Variants in SLC9B1 observed in about 807,000 individuals in gnomAD.
SLC9B1 encodes the protein solute carrier family 9 member B1, also known as sodium/hydrogen exchanger 9B1.
SLC9B1 carries 32 observed loss-of-function variants against 51.7 expected under a neutral mutation model. That is an observed-to-expected ratio of 0.62 (90% CI 0.47 to 0.83). The LOEUF is 0.83. Ranked by LOEUF, SLC9B1 falls within the 40% of genes least tolerant of loss-of-function variation. The pLI, the probability that SLC9B1 is intolerant of heterozygous loss-of-function variation, is 0.00. For missense variants in SLC9B1, 406 were observed against 613.2 expected, an observed-to-expected ratio of 0.66 and a Z score of 3.57; for synonymous variants, 145 against 212.7, an observed-to-expected ratio of 0.68 and a Z score of 2.77.
At chr4:102,946,600 C>G in intron 5 of SLC9B1, 47 bp downstream of exon 5, 11 of 1,573,940 alleles carry the variant, frequency 7.0e-6, no homozygotes, top group Non-Finnish European at 9.5e-6. Context: ...TCTCACCGTC[C>G]TCTAATATTT....
At chr4:102,962,251 T>C in intron 3 of SLC9B1, 1 of 539,992 alleles carries the variant, frequency 1.9e-6, no homozygotes, top group South Asian at 1.4e-5. Flanking sequence ...GGGGAGTTGA[T>C]GACCTTGACT....
At chr4:103,002,131 C>G (rs1285399013) in intron 1 of SLC9B1, among the ~76,000 whole-genome samples, 1 of 152,166 alleles carries the variant, frequency 6.6e-6, no homozygotes, top group Non-Finnish European at 1.5e-5. Flanking sequence ...TGTGGGCTTA[C>G]AGGTCTCTCC....
chr4:102,940,535 C>T (rs1736939238), intron 6 of SLC9B1, among the ~76,000 whole-genome samples: 1 of 151,778 alleles, frequency 6.6e-6, no homozygotes, highest in Non-Finnish European at 1.5e-5. Context: ...AAAAAACAAA[C>T]AAACAAAAAA....
intron 3 of SLC9B1, among the ~76,000 whole-genome samples, chr4:102,969,544 C>T (rs1037017905): frequency 2.6e-5 from 4 of 152,180 alleles, no homozygotes; most frequent in African/African-American, 7.2e-5. Context: ...CAAGAGCAGA[C>T]AAGCTGAAAA....
At chr4:102,997,595 A>C (rs1740294220) in intron 1 of SLC9B1, among the ~76,000 whole-genome samples, 1 of 152,176 alleles carries the variant, frequency 6.6e-6, no homozygotes, top group African/African-American at 2.4e-5. Context: ...ATACATACAC[A>C]GTCAGCAAAT....
At chr4:102,962,131 T>C (rs1029770120) in intron 3 of SLC9B1, 7 of 439,548 alleles carry the variant, frequency 1.6e-5, no homozygotes, top group East Asian at 1.2e-4. Flanking sequence ...TCAGTAGATA[T>C]TCTGAGCTTG....
chr4:102,956,314 T>TA (rs35614802), intron 3 of SLC9B1, among the ~76,000 whole-genome samples: 3,500 of 133,192 alleles, frequency 0.026, 57 homozygotes, highest in Non-Finnish European at 0.042. Flanking sequence ...TGAGTATTAC[T>TA]AAAAAAAAAA....
intron 7 of SLC9B1, among the ~76,000 whole-genome samples, chr4:102,921,476 A>G (rs990322185): frequency 3.9e-5 from 6 of 152,236 alleles, no homozygotes; most frequent in African/African-American, 7.2e-5. Context: ...TGTAAAGACC[A>G]TCAATGCTAG....
At chr4:102,911,926 A>C (rs1735357447) in intron 7 of SLC9B1, 1 of 181,484 alleles carries the variant, frequency 5.5e-6, no homozygotes, top group Non-Finnish European at 1.2e-5. Context: ...TGAGGTCAGG[A>C]GTTCAAGACC....
At chr4:102,936,172 T>C (rs1736714271) in intron 6 of SLC9B1, among the ~76,000 whole-genome samples, 1 of 152,042 alleles carries the variant, frequency 6.6e-6, no homozygotes, top group African/African-American at 2.4e-5. Flanking sequence ...CCTGAAATCT[T>C]CCAGAAATGA....
chr4:102,950,261 G>A (rs1442124656), intron 3 of SLC9B1, among the ~76,000 whole-genome samples: 1 of 152,104 alleles, frequency 6.6e-6, no homozygotes, highest in African/African-American at 2.4e-5. Context: ...AGGAGGTAAT[G>A]GCTGGAAGAA....
At chr4:102,924,865 A>T (rs1017375370) in intron 7 of SLC9B1, among the ~76,000 whole-genome samples, 8 of 152,220 alleles carry the variant, frequency 5.3e-5, no homozygotes, top group African/African-American at 1.4e-4. Context: ...ATACCATCTC[A>T]CACCAATTAG....
chr4:103,012,280 C>T (rs1344680038), intron 1 of SLC9B1, among the ~76,000 whole-genome samples: 1 of 152,202 alleles, frequency 6.6e-6, no homozygotes, highest in East Asian at 1.9e-4. Flanking sequence ...CAGCCAAGTT[C>T]TTTGCTACTT....
rs1553912930 is a variant in SLC9B1, at chr4:103,008,800, T to TC, written c.-2+10798_-2+10799insG. Among the ~76,000 whole-genome samples, 215 of 144,700 alleles carry TC rather than the reference T, an allele frequency of 1.5e-3. 1 individual carries two copies. The highest frequency in any genetic ancestry group is 4.9e-3 in the East Asian group (25 of 5,058). The allele number at this position is 144,700 out of a possible 152,430, so 94.9% of individuals were successfully genotyped here. A position where few individuals can be genotyped will look rare whatever the true frequency, so the allele number is the denominator to read the frequency against. ...GATCTAAGGGCTTTAACAGTTTCTT[T>TC]TTTTTTTTTTTTTTTTTGAGACGGA... On this transcript the variant is annotated intron_variant, in intron 1 of 11. Transcript: ENST00000296422.
chr4:103,017,927 C>G (rs1741476722), intron 1 of SLC9B1, among the ~76,000 whole-genome samples: 1 of 152,226 alleles, frequency 6.6e-6, no homozygotes, highest in Non-Finnish European at 1.5e-5. Context: ...CACTTGACTT[C>G]TCTACTTAAC....
chr4:102,971,288 CT>C (rs1425836584), intron 3 of SLC9B1, among the ~76,000 whole-genome samples: 1 of 152,188 alleles, frequency 6.6e-6, no homozygotes, highest in Non-Finnish European at 1.5e-5. Flanking sequence ...AACAAACTGT[CT>C]CCCAGACCAC....
intron 1 of SLC9B1, among the ~76,000 whole-genome samples, chr4:103,011,539 T>C (rs1173001003): frequency 6.6e-6 from 1 of 152,122 alleles, no homozygotes; most frequent in African/African-American, 2.4e-5. Context: ...ACTCCACAGC[T>C]CTTGTAGGCA....
intron 7 of SLC9B1, among the ~76,000 whole-genome samples, chr4:102,929,746 T>C (rs1344382176): frequency 6.6e-6 from 1 of 152,242 alleles, no homozygotes; most frequent in Non-Finnish European, 1.5e-5. Context: ...GGTCTTGAAC[T>C]CATGTCCTCA....
chr4:102,983,256 T>C (rs1181224575), intron 3 of SLC9B1, among the ~76,000 whole-genome samples: 2 of 152,184 alleles, frequency 1.3e-5, no homozygotes, highest in Non-Finnish European at 2.9e-5. Context: ...GTCATGGTCA[T>C]GGTGTATCCT....
Sources: allele counts gnomAD v4.1 joint callset (sites outside exome capture counted in the v4.1 genomes callset), GRCh38; gene constraint gnomAD v4.1.1; transcripts MANE v1.5; gene names NCBI Gene and HGNC (gene_info 2026-07-23, HGNC 2026-07-21).